Variants in ZNF75D observed in about 807,000 individuals in gnomAD.
The protein encoded by ZNF75D is zinc finger protein 75D.
A neutral mutation model predicts 33.3 loss-of-function variants in ZNF75D; 33 were observed. The ratio of observed to expected loss-of-function variants is 0.99; its 90% confidence interval spans 0.75 to 1.32. The LOEUF is 1.32. Among genes scored for constraint, ZNF75D ranks in the 40% most tolerant of loss-of-function variants. ZNF75D has a pLI of 0.00. For synonymous variants in ZNF75D, 113 were observed against 130.6 expected (o/e 0.87, Z 0.92); for missense variants, 338 against 367.5 (o/e 0.92, Z 0.66).
chrX:135,258,103 G>T (rs1483078898), intron 1 of ZNF75D, among the ~76,000 whole-genome samples: 2 of 105,414 alleles, frequency 1.9e-5, no homozygotes, highest in African/African-American at 6.6e-5. Flanking sequence ...GAGAATGATG[G>T]TTTCCAGCTT....
intron 1 of ZNF75D, among the ~76,000 whole-genome samples, chrX:135,338,488 G>A (rs140300747): frequency 0.016 from 1,743 of 112,427 alleles, 34 homozygotes; most frequent in African/African-American, 0.052. Flanking sequence ...ATAAGGTATT[G>A]TAAAACTGCT....
chrX:135,287,579 G>C lies in ZNF75D; in HGVS notation c.1091C>G (p.Pro364Arg). Residue 364 changes from proline (P) to arginine (R), a missense_variant, in exon 7 of 7, where the codon CCT becomes CGT. Coordinates refer to ENST00000370766, the MANE Select transcript of ZNF75D (RefSeq NM_007131.5). Reference protein sequence around the residue: ...LHGKGPTGEKPFKCQECGKSF... With the variant: ...LHGKGPTGEKRFKCQECGKSF... ...TTTCCCACATTCCTGACACTTAAAAGGTTTCTCCCCTGTGGGGCCTTTCCC... is the reference window on the plus strand; with the variant it reads ...TTTCCCACATTCCTGACACTTAAAACGTTTCTCCCCTGTGGGGCCTTTCCC... 2 of 1,211,550 alleles carry C rather than the reference G, an allele frequency of 1.7e-6. No individual in the cohort carries two copies. Among genetic ancestry groups the C allele is most frequent in the Middle Eastern group, 2.3e-4 (1 of 4,354 alleles).
At chrX:135,287,935 A>C in intron 6 of ZNF75D, 89 bp from the exon 7 acceptor site, 1 of 730,773 alleles carries the variant, frequency 1.4e-6, no homozygotes, top group Non-Finnish European at 2.0e-6. Flanking sequence ...TGATTGCTTT[A>C]AAAGAAATAC....
chrX:135,281,800 C>T (rs1327207550), downstream of ZNF75D, among the ~76,000 whole-genome samples: 1 of 112,525 alleles, frequency 8.9e-6, no homozygotes, highest in Non-Finnish European at 1.9e-5. Flanking sequence ...CCCTGTTTGC[C>T]TGTGTATCAC....
intron 1 of ZNF75D, among the ~76,000 whole-genome samples, chrX:135,312,247 T>A (rs1394564992): frequency 9.0e-6 from 1 of 111,348 alleles, no homozygotes; most frequent in African/African-American, 3.3e-5. Flanking sequence ...GAACATGAAA[T>A]AATTGCCTTT....
intron 1 of ZNF75D, among the ~76,000 whole-genome samples, chrX:135,306,294 C>CAT (rs2148480121): frequency 2.0e-5 from 1 of 48,803 alleles, no homozygotes; most frequent in Non-Finnish European, 5.3e-5. Flanking sequence ...TACATACACA[C>CAT]ACACACACAC....
chrX:135,305,532 C>A (rs1556425567), intron 1 of ZNF75D, among the ~76,000 whole-genome samples: 1 of 111,465 alleles, frequency 9.0e-6, no homozygotes, highest in Non-Finnish European at 1.9e-5. Context: ...AGAAGTATAT[C>A]TCTTGCGAGA....
At chrX:135,249,611 A>AT (rs1305798226) in intron 3 of ZNF75D, among the ~76,000 whole-genome samples, 3 of 106,147 alleles carry the variant, frequency 2.8e-5, no homozygotes, top group South Asian at 4.4e-4. Context: ...AATCCTTCAC[A>AT]TTTTTTTGGA....
At chrX:135,325,940 A>G (rs1232994792) in intron 1 of ZNF75D, among the ~76,000 whole-genome samples, 1 of 112,666 alleles carries the variant, frequency 8.9e-6, no homozygotes, top group Non-Finnish European at 1.9e-5. Flanking sequence ...GGACGTGGAG[A>G]ACCTTTATGT....
chrX:135,259,513 C>T (rs1263807297), intron 1 of ZNF75D, among the ~76,000 whole-genome samples: 1 of 111,512 alleles, frequency 9.0e-6, no homozygotes, highest in Non-Finnish European at 1.9e-5. Flanking sequence ...TCCTTCACAT[C>T]CCTTGTAAGT....
At chrX:135,259,733 C>T (rs931466081) in intron 1 of ZNF75D, among the ~76,000 whole-genome samples, 12 of 112,049 alleles carry the variant, frequency 1.1e-4, no homozygotes, top group African/African-American at 3.6e-4. Flanking sequence ...ATCATGTCAT[C>T]TGCAAACAGG....
At chrX:135,332,670 C>G (rs782420599) in intron 1 of ZNF75D, among the ~76,000 whole-genome samples, 1 of 112,109 alleles carries the variant, frequency 8.9e-6, no homozygotes, top group Non-Finnish European at 1.9e-5. Flanking sequence ...TTGTTACATA[C>G]AAAGATAGTA....
At chrX:135,284,858 G>A (rs936997754), downstream of ZNF75D, among the ~76,000 whole-genome samples, 1 of 111,673 alleles carries the variant, frequency 9.0e-6, no homozygotes, top group Non-Finnish European at 1.9e-5. Context: ...TATAACTGCT[G>A]GGTCCATTGA....
intron 1 of ZNF75D, among the ~76,000 whole-genome samples, chrX:135,333,582 T>A (rs2084676448): frequency 8.9e-6 from 1 of 112,017 alleles, no homozygotes; most frequent in African/African-American, 3.2e-5. Flanking sequence ...CCTTATATTA[T>A]CATAGGGTGA....
chrX:135,303,862 T>G (rs1293663042), intron 1 of ZNF75D, among the ~76,000 whole-genome samples: 1 of 112,625 alleles, frequency 8.9e-6, no homozygotes, highest in Non-Finnish European at 1.9e-5. Context: ...ATAGCCTGCA[T>G]TGCTGTAAAC....
At chrX:135,305,450 C>G (rs2084273749) in intron 1 of ZNF75D, among the ~76,000 whole-genome samples, 1 of 111,873 alleles carries the variant, frequency 8.9e-6, no homozygotes, top group Non-Finnish European at 1.9e-5. Flanking sequence ...CACCAACAGC[C>G]AAAAGACGAT....
chrX:135,303,136 C>T (rs1046498416), intron 1 of ZNF75D, among the ~76,000 whole-genome samples: 3 of 111,319 alleles, frequency 2.7e-5, no homozygotes, highest in Non-Finnish European at 5.7e-5. Context: ...GCGGTTTTCC[C>T]CTATCTCAGT....
chrX:135,257,798 T>G (rs2083812737), intron 1 of ZNF75D, among the ~76,000 whole-genome samples: 2 of 112,359 alleles, frequency 1.8e-5, no homozygotes, highest in African/African-American at 3.2e-5. Flanking sequence ...CAAGGAATTC[T>G]TAGAGATCTT....
In ZNF75D at chrX:135,249,105, A is replaced by C. The variant is rs1175619314; in HGVS notation, n.1493T>G. The C allele has an allele frequency of 6.2e-6, 2 of 323,997 alleles. 1 individual carries two copies. The highest frequency in any genetic ancestry group is 1.2e-5 in the Non-Finnish European group (2 of 166,765). The allele number at this position is 323,997 out of a possible 1,213,427, so 26.7% of individuals were successfully genotyped here. ...TCCACAGCCACTCTGTCAGATCCGC[A>C]TCGTTTCTATGATTCCCAAGCTGTC... On this transcript the variant is annotated non_coding_transcript_exon_variant, in exon 4 of 4. Transcript: ENST00000494295.
Sources: gnomAD v4.1 joint callset for allele counts (sites outside exome capture counted in the v4.1 genomes callset) on GRCh38, gnomAD v4.1.1 for gene constraint, MANE v1.5 for transcripts, NCBI Gene and HGNC (gene_info 2026-07-23, HGNC 2026-07-21) for gene names.